Variants in RTN4RL1 observed in about 807,000 individuals in gnomAD.
RTN4RL1 encodes the protein reticulon 4 receptor like 1, also known as reticulon-4 receptor-like 1.
Under a neutral mutation model 25.6 loss-of-function variants are expected in RTN4RL1, and 7 were observed. The ratio of observed to expected loss-of-function variants is 0.27; its 90% CI spans 0.16 to 0.51. RTN4RL1 has a LOEUF of 0.51. Ranked by LOEUF, RTN4RL1 falls within the 20% of genes least tolerant of loss-of-function variation. RTN4RL1 has a pLI of 0.97. For missense variants in RTN4RL1, 500 were observed against 615.6 expected, an observed-to-expected ratio of 0.81 and a Z score of 1.99; for synonymous variants, 297 against 288.2, an observed-to-expected ratio of 1.03 and a Z score of -0.31.
intron 1 of RTN4RL1, among the ~76,000 whole-genome samples, chr17:2,011,751 G>C (rs2067052225): frequency 6.6e-6 from 1 of 152,138 alleles, no homozygotes; most frequent in Admixed American, 6.5e-5. Flanking sequence ...AGCCCATCAG[G>C]GGCAGTGGGC....
intron 1 of RTN4RL1, among the ~76,000 whole-genome samples, chr17:2,014,256 AG>A (rs1002838197): frequency 6.6e-6 from 1 of 152,190 alleles, no homozygotes; most frequent in Non-Finnish European, 1.5e-5. Context: ...GGAGGGGCAC[AG>A]GGTGGAGAAG....
chr17:2,006,867 C>T (rs760341156), intron 1 of RTN4RL1, among the ~76,000 whole-genome samples: 2 of 152,100 alleles, frequency 1.3e-5, no homozygotes, highest in Non-Finnish European at 2.9e-5. Flanking sequence ...AAACGATCCT[C>T]CTGCCTCAGC....
intron 1 of RTN4RL1, chr17:2,019,506 A>G (rs1342362498): frequency 6.6e-6 from 1 of 152,034 alleles, no homozygotes; most frequent in Non-Finnish European, 1.5e-5. Flanking sequence ...CGCCCCACAC[A>G]ACTCCCCCTC....
At chr17:1,968,197 C>G (rs1389472218) in intron 1 of RTN4RL1, among the ~76,000 whole-genome samples, 2 of 152,202 alleles carry the variant, frequency 1.3e-5, no homozygotes, top group African/African-American at 4.8e-5. Context: ...GCTTTCCGCA[C>G]AGGTCCTCTG....
At chr17:1,968,591 C>T (rs1460253622) in intron 1 of RTN4RL1, among the ~76,000 whole-genome samples, 1 of 152,176 alleles carries the variant, frequency 6.6e-6, no homozygotes, top group Non-Finnish European at 1.5e-5. Context: ...GAGCTCAGCG[C>T]ACTCAGGAGC....
At position 1,994,005 on chromosome 17, in the gene RTN4RL1, C is replaced by G. The variant is rs1395478004; in HGVS notation, c.13+30848G>C. ...GAACTCATCAAGTTTTAAGCAAGCA[C>G]AGCAGAACTGGTAGAAAAACAAAGC... On this transcript the variant is annotated intron_variant, in intron 1 of 1. Coordinates refer to ENST00000331238, the MANE Select transcript of RTN4RL1 (RefSeq NM_178568.4). The surrounding 1 kb of genome is among the most constrained non-coding windows in gnomAD (Gnocchi z 4.3). Among the ~76,000 whole-genome samples, 1 of 152,150 alleles carries G rather than the reference C, an allele frequency of 6.6e-6. No individual in the cohort carries two copies. Among genetic ancestry groups the G allele is most frequent in the African/African-American group, 2.4e-5 (1 of 41,434 alleles).
At chr17:1,955,161 C>T (rs142714372) in intron 1 of RTN4RL1, among the ~76,000 whole-genome samples, 4 of 152,176 alleles carry the variant, frequency 2.6e-5, no homozygotes, top group Admixed American at 2.0e-4. Context: ...GGAGGTTGAG[C>T]CCAGGTAGCA....
At chr17:1,943,186 G>A (rs1331038128) in intron 1 of RTN4RL1, among the ~76,000 whole-genome samples, 2 of 152,238 alleles carry the variant, frequency 1.3e-5, no homozygotes, top group Non-Finnish European at 2.9e-5. Context: ...TTTCACAAAG[G>A]AGGAAACGAG....
At chr17:1,992,358 C>CAAA (rs1021180493) in intron 1 of RTN4RL1, among the ~76,000 whole-genome samples, 1 of 53,288 alleles carries the variant, frequency 1.9e-5, no homozygotes, top group Non-Finnish European at 4.1e-5. Flanking sequence ...GACTCTGTCT[C>CAAA]AAAAAAAAAA....
At chr17:2,022,637 G>T (rs1157100401) in intron 1 of RTN4RL1, among the ~76,000 whole-genome samples, 2 of 152,228 alleles carry the variant, frequency 1.3e-5, no homozygotes, top group Non-Finnish European at 2.9e-5. Flanking sequence ...TCAGGATCTG[G>T]GGCCAAGAGA....
At chr17:2,010,349 C>T (rs973277030) in intron 1 of RTN4RL1, among the ~76,000 whole-genome samples, 1 of 151,986 alleles carries the variant, frequency 6.6e-6, no homozygotes, top group African/African-American at 2.4e-5. Flanking sequence ...CGATGGCAGG[C>T]GTCTGTAATC....
intron 1 of RTN4RL1, among the ~76,000 whole-genome samples, chr17:1,990,004 A>G (rs1207532272): frequency 6.6e-6 from 1 of 152,210 alleles, no homozygotes; most frequent in Non-Finnish European, 1.5e-5. Flanking sequence ...TTTGTACAAC[A>G]ATGTGAGTGT....
At chr17:2,007,815 A>G (rs1321078908) in intron 1 of RTN4RL1, among the ~76,000 whole-genome samples, 1 of 151,554 alleles carries the variant, frequency 6.6e-6, no homozygotes, top group African/African-American at 2.4e-5. Context: ...GCATGGTGGC[A>G]CGCGCCTGTA....
In RTN4RL1 at chr17:1,952,116, CT is replaced by C. The variant is rs1404629569; in HGVS notation, c.14-14309del. Reference sequence around the variant, plus strand: ...AAGACTTGTGCACGTGGCCCTTGCCCTTTTGTTTCAAACGACACATGTCTCT... The same window carrying C: ...AAGACTTGTGCACGTGGCCCTTGCCCTTTGTTTCAAACGACACATGTCTCT... On this transcript the variant is annotated intron_variant, in intron 1 of 1. Coordinates refer to ENST00000331238, the MANE Select transcript of RTN4RL1 (RefSeq NM_178568.4). Among the ~76,000 whole-genome samples, 3 of 152,296 alleles carry C rather than the reference CT, an allele frequency of 2.0e-5. No homozygotes were observed. The East Asian group carries it at 5.8e-4, about 29-fold the overall frequency.
chr17:2,021,072 T>C (rs8064827), intron 1 of RTN4RL1, among the ~76,000 whole-genome samples: 36,474 of 152,082 alleles, frequency 0.24, 4,891 homozygotes, highest in African/African-American at 0.35. Flanking sequence ...TGCTGAAGCC[T>C]TCAGCTACCA....
rs2066922573 is a variant in RTN4RL1 at position 1,994,788 on chromosome 17, G to C, written c.13+30065C>G. 6.6e-6 allele frequency among the ~76,000 whole-genome samples: 1 copy of C among 152,124 alleles called. No homozygotes were observed. Among genetic ancestry groups the C allele is most frequent in the Admixed American group, 6.5e-5 (1 of 15,276 alleles). On this transcript the variant is annotated intron_variant, in intron 1 of 1. Coordinates refer to ENST00000331238, the MANE Select transcript of RTN4RL1 (RefSeq NM_178568.4). This position sits in a 1 kb window ranked among gnomAD's most constrained non-coding sequence, Gnocchi z 4.3. ...GCGTTGGGGGAAAGGTGGTTAAAAAGGAGGCTTATAAAGATTAAATGACGG... is the reference window on the plus strand; with the variant it reads ...GCGTTGGGGGAAAGGTGGTTAAAAACGAGGCTTATAAAGATTAAATGACGG...
chr17:1,938,435 G>A (rs918508825), intron 1 of RTN4RL1, among the ~76,000 whole-genome samples: 8 of 151,696 alleles, frequency 5.3e-5, no homozygotes, highest in African/African-American at 1.7e-4. Flanking sequence ...CTGAGTAGCT[G>A]GGATTATAGG....
At chr17:2,005,193 G>T (rs772345587) in intron 1 of RTN4RL1, among the ~76,000 whole-genome samples, 11 of 152,074 alleles carry the variant, frequency 7.2e-5, no homozygotes, top group Non-Finnish European at 1.3e-4. Context: ...GTTTTGTGGA[G>T]ATGTGGTCTC....
At chr17:1,963,080 G>A (rs1192390639) in intron 1 of RTN4RL1, among the ~76,000 whole-genome samples, 2 of 152,058 alleles carry the variant, frequency 1.3e-5, no homozygotes, top group East Asian at 3.9e-4. Context: ...TGGAATTACA[G>A]ACATGAGCCA....
Sources: gnomAD v4.1 joint callset for allele counts (sites outside exome capture counted in the v4.1 genomes callset) on GRCh38, gnomAD v4.1.1 for gene constraint, Gnocchi (gnomAD v3.1) non-coding constraint, MANE v1.5 for transcripts, NCBI Gene and HGNC (gene_info 2026-07-23, HGNC 2026-07-21) for gene names.